The following MEF2C variants were observed in gnomAD, a reference collection of about 807,000 sequenced individuals.
MEF2C encodes the protein myocyte enhancer factor 2C.
In MEF2C, 6 loss-of-function variants were observed where a neutral mutation model predicts 50.5. The ratio of observed to expected loss-of-function variants is 0.12; its 90% CI spans 0.07 to 0.23. The LOEUF (loss-of-function observed/expected upper bound fraction) is 0.23. MEF2C is among the 10% of genes least tolerant of loss of function. MEF2C has a pLI of 1.00. For missense variants in MEF2C, 276 were observed against 605.0 expected, an observed-to-expected ratio of 0.46 and a Z score of 5.70; for synonymous variants, 183 against 228.0, an observed-to-expected ratio of 0.80 and a Z score of 1.78.
At chr5:88,736,208 A>AAC in intron 6 of MEF2C, 1 of 395,604 alleles carries the variant, frequency 2.5e-6, no homozygotes, top group Non-Finnish European at 3.1e-6. Flanking sequence ...ATATTTCAGC[A>AAC]ACTCGGCCGG....
At chr5:88,855,856 G>A (rs113965063) in intron 1 of MEF2C, among the ~76,000 whole-genome samples, 2,427 of 152,156 alleles carry the variant, frequency 0.016, 64 homozygotes, top group African/African-American at 0.055. Context: ...TCTTCATAGC[G>A]GTGTGAGAAC....
chr5:88,858,134 A>G (rs947802464), intron 1 of MEF2C, among the ~76,000 whole-genome samples: 1 of 152,196 alleles, frequency 6.6e-6, no homozygotes, highest in African/African-American at 2.4e-5. Context: ...CAACTTGTGA[A>G]TATGTACTTC....
At chr5:88,724,430 T>A (rs1337887080) in intron 10 of MEF2C, among the ~76,000 whole-genome samples, 1 of 152,152 alleles carries the variant, frequency 6.6e-6, no homozygotes, top group Admixed American at 6.5e-5. Flanking sequence ...ACTTTCCTTC[T>A]CCTATTAATA....
rs3729667 is a variant in MEF2C, at chr5:88,729,475, T to C, written c.835-128A>G. The C allele has an allele frequency of 5.5e-3, 4,770 of 862,424 alleles. 14 individuals are homozygous for C. The highest frequency in any genetic ancestry group is 8.5e-3 in the Middle Eastern group (24 of 2,822). 53.4% of individuals were successfully genotyped at this position (862,424 alleles called of 1,614,324 possible). On this transcript the variant is annotated intron_variant, in intron 8 of 10. Transcript: ENST00000504921. ...ATCTCATGAAATTAATCATTTAACA[T>C]GTGTCTCTATGAACTCTGCCAACCC...
intron 1 of MEF2C, 159 bp from the exon 2 acceptor site, chr5:88,824,089 C>T: frequency 3.4e-6 from 3 of 878,774 alleles, no homozygotes; most frequent in Non-Finnish European, 4.2e-6. Context: ...ATATCACAGA[C>T]AGGAGCAGAT....
In MEF2C at chr5:88,804,261, T is replaced by C. The variant is rs571765155; in HGVS notation, c.258+337A>G. On this transcript the variant is annotated intron_variant, in intron 3 of 10. Coordinates refer to ENST00000504921, the MANE Select transcript of MEF2C (RefSeq NM_002397.5). Reference sequence around the variant, plus strand: ...TGATCAGAAGTGTCTAAAATATGGATGAGCTATTCCCTGGCAAGAGTTCCC... The same window carrying C: ...TGATCAGAAGTGTCTAAAATATGGACGAGCTATTCCCTGGCAAGAGTTCCC... 2.0e-5 allele frequency among the ~76,000 whole-genome samples: 3 copies of C among 152,322 alleles called. No individual in the cohort carries two copies. In the South Asian group the frequency reaches 6.2e-4, roughly 32 times the overall value.
chr5:88,784,440 T>C (rs1355314764), intron 3 of MEF2C, among the ~76,000 whole-genome samples: 1 of 152,206 alleles, frequency 6.6e-6, no homozygotes, highest in African/African-American at 2.4e-5. Context: ...CTGTTTAAGA[T>C]AAAATGCTAC....
At position 88,729,573 on chromosome 5, in the gene MEF2C, G is replaced by C; in HGVS notation, c.835-226C>G. 3 of 498,838 alleles carry C rather than the reference G, an allele frequency of 6.0e-6. No individual in the cohort carries two copies. The South Asian group carries it at 6.6e-5, about 11-fold the overall frequency. 30.9% of individuals were successfully genotyped at this position (498,838 alleles called of 1,614,324 possible). On this transcript the variant is annotated intron_variant, in intron 8 of 10. Transcript: ENST00000504921. ...TTACATCAGTATCTCCTAGGCAACT[G>C]AACTAGTAACAAGTACCATAGCTTT...
intron 7 of MEF2C, among the ~76,000 whole-genome samples, chr5:88,730,676 T>C (rs1190520262): frequency 6.6e-6 from 1 of 152,194 alleles, no homozygotes; most frequent in Non-Finnish European, 1.5e-5. Flanking sequence ...CCCACACTGC[T>C]TGGCTGTAGC....
intron 3 of MEF2C, among the ~76,000 whole-genome samples, chr5:88,794,869 A>G (rs1068696): frequency 1.9e-3 from 282 of 152,312 alleles, no homozygotes; most frequent in African/African-American, 6.5e-3. Context: ...ATGGCTAGCC[A>G]GTTTTCCCAA....
intron 1 of MEF2C, among the ~76,000 whole-genome samples, chr5:88,860,788 A>C (rs1825232730): frequency 6.6e-6 from 1 of 151,944 alleles, no homozygotes; most frequent in Non-Finnish European, 1.5e-5. Flanking sequence ...TCTGGGTTTC[A>C]CTGACTACAC....
At chr5:88,732,576 G>C (rs1366742628) in intron 6 of MEF2C, 1 of 152,286 alleles carries the variant, frequency 6.6e-6, no homozygotes, top group Non-Finnish European at 1.5e-5. Flanking sequence ...CCGCTAAAGT[G>C]CTGATTCACC....
At position 88,870,655 on chromosome 5, in the gene MEF2C, T is replaced by G. The variant is rs187786865; in HGVS notation, c.-143+12300A>C. Among the ~76,000 whole-genome samples, 330 of 152,224 alleles carry G rather than the reference T, an allele frequency of 2.2e-3. 4 individuals are homozygous for G. Among genetic ancestry groups the G allele is most frequent in the African/African-American group, 7.8e-3 (325 of 41,554 alleles). On this transcript the variant is annotated intron_variant, in intron 1 of 10. Coordinates refer to ENST00000504921, the MANE Select transcript of MEF2C (RefSeq NM_002397.5). ...CCTGTCAATTTTACATATAAAAATG[T>G]GTTTTAAAGGAGTTCTTTGTAAATT...
At chr5:88,748,957 A>G (rs2152496041) in intron 6 of MEF2C, 113 bp downstream of exon 6, 1 of 1,527,884 alleles carries the variant, frequency 6.5e-7, no homozygotes, top group East Asian at 2.5e-5. Context: ...TCATTTTTCC[A>G]TGCCTCTCAC....
rs1581125304 is a variant in MEF2C, at chr5:88,814,353, A to C, written c.54+9382T>G. Among the ~76,000 whole-genome samples, 3 of 151,956 alleles carry C rather than the reference A, an allele frequency of 2.0e-5. No homozygotes were observed. In the East Asian group the frequency reaches 5.8e-4, roughly 30 times the overall value. ...GTTCTAGACAAGCGTTCCTTTATAC[A>C]ATGACGGGGCCTGCCATCGTAAATG... On this transcript the variant is annotated intron_variant, in intron 2 of 10. Transcript: ENST00000504921.
At chr5:88,758,167 C>T (rs1292340279) in intron 4 of MEF2C, among the ~76,000 whole-genome samples, 4 of 152,154 alleles carry the variant, frequency 2.6e-5, no homozygotes, top group African/African-American at 9.7e-5. Flanking sequence ...TTCATTTTAA[C>T]TCCTCCCTTG....
intron 4 of MEF2C, chr5:88,752,914 T>C (rs577346003): frequency 4.2e-6 from 1 of 237,006 alleles, no homozygotes; most frequent in Non-Finnish European, 6.9e-6. Context: ...AAAATACTCT[T>C]TGAATATAAT....
chr5:88,720,711 A>G lies in MEF2C; in HGVS notation c.*1893T>C. 1 of 152,572 alleles carries G rather than the reference A, an allele frequency of 6.6e-6. No homozygotes were observed. Among genetic ancestry groups the G allele is most frequent in the Non-Finnish European group, 1.5e-5 (1 of 68,024 alleles). 9.5% of individuals were successfully genotyped at this position (152,572 alleles called of 1,614,324 possible). On this transcript the variant is annotated 3_prime_UTR_variant, in exon 11 of 11. Coordinates refer to ENST00000504921, the MANE Select transcript of MEF2C (RefSeq NM_002397.5). ...CTGAAATATCTTTTAAACAATATATATTGACTTTCTTATGGCACTCACTTA... is the reference window on the plus strand; with the variant it reads ...CTGAAATATCTTTTAAACAATATATGTTGACTTTCTTATGGCACTCACTTA...
At chr5:88,762,637 A>T (rs1037579565) in intron 3 of MEF2C, among the ~76,000 whole-genome samples, 1 of 152,062 alleles carries the variant, frequency 6.6e-6, no homozygotes, top group Non-Finnish European at 1.5e-5. Flanking sequence ...ATTTACAGAG[A>T]TAATGTTATG....
Sources: allele counts gnomAD v4.1 joint callset (sites outside exome capture counted in the v4.1 genomes callset), GRCh38; gene constraint gnomAD v4.1.1; transcripts MANE v1.5; gene names NCBI Gene and HGNC (gene_info 2026-07-23, HGNC 2026-07-21).